Variants in CADM1 observed in about 807,000 individuals in gnomAD.
CADM1 encodes the protein cell adhesion molecule 1.
A neutral mutation model predicts 53.1 loss-of-function variants in CADM1; 15 were observed. That is an observed-to-expected ratio of 0.28 (90% CI 0.19 to 0.44). The LOEUF is 0.44. Ranked by LOEUF, CADM1 falls within the 20% of genes least tolerant of loss-of-function variation. The pLI, the probability that CADM1 is intolerant of heterozygous loss-of-function variation, is 1.00. For missense variants in CADM1, 434 were observed against 611.3 expected (o/e 0.71, Z 3.06); for synonymous variants, 281 against 243.0 (o/e 1.16, Z -1.45).
intron 7 of CADM1, among the ~76,000 whole-genome samples, chr11:115,212,770 A>T (rs1480382414): frequency 6.6e-6 from 1 of 152,194 alleles, no homozygotes; most frequent in Non-Finnish European, 1.5e-5. Context: ...AAACTGTACA[A>T]CCTTTCTGAA....
intron 1 of CADM1, among the ~76,000 whole-genome samples, chr11:115,498,548 T>A (rs1291312056): frequency 6.6e-6 from 1 of 152,210 alleles, no homozygotes; most frequent in African/African-American, 2.4e-5. Flanking sequence ...TACTGCATAT[T>A]TACACAACTG....
intron 1 of CADM1, chr11:115,339,942 C>A (rs558460388): frequency 6.6e-6 from 1 of 152,084 alleles, no homozygotes; most frequent in Non-Finnish European, 1.5e-5. Flanking sequence ...CATCCCTCCA[C>A]GTATTCTAAG....
intron 1 of CADM1, among the ~76,000 whole-genome samples, chr11:115,354,625 C>A (rs1945817547): frequency 6.6e-6 from 1 of 152,084 alleles, no homozygotes; most frequent in East Asian, 1.9e-4. Flanking sequence ...TTACAGGTGG[C>A]CCAATAATTA....
intron 1 of CADM1, among the ~76,000 whole-genome samples, chr11:115,460,117 A>T (rs1237342496): frequency 1.3e-5 from 2 of 150,952 alleles, no homozygotes; most frequent in African/African-American, 2.4e-5. Flanking sequence ...AAGCCCCCCT[A>T]CCTTCCAAAC....
At chr11:115,489,595 G>A (rs1344062851) in intron 1 of CADM1, among the ~76,000 whole-genome samples, 1 of 152,196 alleles carries the variant, frequency 6.6e-6, no homozygotes, top group Non-Finnish European at 1.5e-5. Flanking sequence ...ATATACATGG[G>A]ATTTAAATAT....
chr11:115,401,988 C>A (rs1367029642), intron 1 of CADM1, among the ~76,000 whole-genome samples: 1 of 151,402 alleles, frequency 6.6e-6, no homozygotes, highest in South Asian at 2.1e-4. Flanking sequence ...AGCCCAACAC[C>A]CCCACAAAAA....
chr11:115,297,366 T>C (rs1422970769), intron 1 of CADM1, among the ~76,000 whole-genome samples: 1 of 152,078 alleles, frequency 6.6e-6, no homozygotes, highest in Non-Finnish European at 1.5e-5. Context: ...AGGAACAAGA[T>C]TGTATAAAAA....
At chr11:115,303,741 C>T (rs1944294490) in intron 1 of CADM1, among the ~76,000 whole-genome samples, 2 of 152,006 alleles carry the variant, frequency 1.3e-5, no homozygotes, top group South Asian at 4.1e-4. Flanking sequence ...CAACCCTGTG[C>T]CCTACCGGGA....
chr11:115,494,172 A>C (rs916330540), intron 1 of CADM1, among the ~76,000 whole-genome samples: 14 of 152,276 alleles, frequency 9.2e-5, no homozygotes, highest in African/African-American at 3.4e-4. Flanking sequence ...AAATGTTAAC[A>C]GTTGATGGAT....
intron 1 of CADM1, among the ~76,000 whole-genome samples, chr11:115,482,655 G>T (rs1297132633): frequency 6.6e-6 from 1 of 152,148 alleles, no homozygotes; most frequent in East Asian, 1.9e-4. Context: ...GGTTAATTCT[G>T]TTTGGAAAAT....
chr11:115,466,521 A>G (rs1948901626), intron 1 of CADM1, among the ~76,000 whole-genome samples: 1 of 152,228 alleles, frequency 6.6e-6, no homozygotes, highest in South Asian at 2.1e-4. Flanking sequence ...AAGGTTTTTC[A>G]GGAAAGAGAA....
intron 1 of CADM1, among the ~76,000 whole-genome samples, chr11:115,402,091 C>CA (rs1430893952): frequency 6.6e-6 from 1 of 151,998 alleles, no homozygotes; most frequent in Non-Finnish European, 1.5e-5. Context: ...ACTTTGTGTA[C>CA]ATAAAAATGT....
intron 1 of CADM1, among the ~76,000 whole-genome samples, chr11:115,401,141 A>C (rs1947141974): frequency 6.6e-6 from 1 of 152,228 alleles, no homozygotes; most frequent in Non-Finnish European, 1.5e-5. Context: ...GTATACACAG[A>C]CAATAGAATA....
At chr11:115,449,845 C>T (rs1010597294) in intron 1 of CADM1, among the ~76,000 whole-genome samples, 2 of 152,186 alleles carry the variant, frequency 1.3e-5, no homozygotes, top group African/African-American at 2.4e-5. Flanking sequence ...GTGACATACA[C>T]ATGTGCACAC....
chr11:115,338,310 A>G (rs1396953846), intron 1 of CADM1, among the ~76,000 whole-genome samples: 1 of 152,168 alleles, frequency 6.6e-6, no homozygotes, highest in Non-Finnish European at 1.5e-5. Context: ...AAAAATTCAA[A>G]TAATTTGCCT....
chr11:115,499,579 A>C (rs1401402021), intron 1 of CADM1, among the ~76,000 whole-genome samples: 1 of 152,274 alleles, frequency 6.6e-6, no homozygotes, highest in Non-Finnish European at 1.5e-5. Context: ...TTCATGATCC[A>C]TATCTCTGAC....
chr11:115,342,947 C>A (rs933766082), intron 1 of CADM1, among the ~76,000 whole-genome samples: 2 of 152,090 alleles, frequency 1.3e-5, no homozygotes, highest in Non-Finnish European at 1.5e-5. Flanking sequence ...AGGAAGATAG[C>A]AATTTCACTT....
chr11:115,230,992 A>T (rs1941792898), intron 4 of CADM1, among the ~76,000 whole-genome samples: 1 of 152,192 alleles, frequency 6.6e-6, no homozygotes, highest in African/African-American at 2.4e-5. Flanking sequence ...TCTGCAAAAG[A>T]CAGGGTAAAA....
chr11:115,214,566 G>GTGAC (rs763864209), intron 7 of CADM1, 42 bp downstream of exon 7: 2 of 1,568,256 alleles, frequency 1.3e-6, no homozygotes, highest in African/African-American at 2.7e-5. Context: ...GCAGCTCCAT[G>GTGAC]TGACTGACTC....
Sources: gnomAD v4.1 joint callset for allele counts (sites outside exome capture counted in the v4.1 genomes callset) on GRCh38, gnomAD v4.1.1 for gene constraint, MANE v1.5 for transcripts, NCBI Gene and HGNC (gene_info 2026-07-23, HGNC 2026-07-21) for gene names.